Variants in UBE2D2 observed in about 807,000 individuals in gnomAD.
The protein encoded by UBE2D2 is ubiquitin conjugating enzyme E2 D2.
Under a neutral mutation model 24.2 loss-of-function variants are expected in UBE2D2, and 2 were observed. The ratio of observed to expected loss-of-function variants is 0.08; its 90% CI spans 0.03 to 0.26. The LOEUF is 0.26. UBE2D2 is among the 10% of genes least tolerant of loss of function. The pLI, the probability that UBE2D2 is intolerant of heterozygous loss-of-function variation, is 1.00. For synonymous variants in UBE2D2, 58 were observed against 56.5 expected, an observed-to-expected ratio of 1.03 and a Z score of -0.12; for missense variants, 44 against 177.6, an observed-to-expected ratio of 0.25 and a Z score of 4.28.
chr5:139,556,898 A>T (rs1198164539), upstream of UBE2D2, among the ~76,000 whole-genome samples: 1 of 151,348 alleles, frequency 6.6e-6, no homozygotes, highest in Non-Finnish European at 1.5e-5. Flanking sequence ...GCAGTGGCGC[A>T]ATCTCGTCTC....
chr5:139,573,067 C>T (rs1250765684), intron 1 of UBE2D2, among the ~76,000 whole-genome samples: 3 of 151,784 alleles, frequency 2.0e-5, no homozygotes, highest in Non-Finnish European at 2.9e-5. Context: ...TTTGGGAGGC[C>T]GAGACGGGCA....
chr5:139,560,441 C>T (rs754723261), upstream of UBE2D2, among the ~76,000 whole-genome samples: 4 of 152,126 alleles, frequency 2.6e-5, no homozygotes, highest in Non-Finnish European at 5.9e-5. Flanking sequence ...CGTGATCCGC[C>T]TGCCTTGGCC....
At chr5:139,566,159 C>T (rs999626608) in intron 1 of UBE2D2, among the ~76,000 whole-genome samples, 1 of 151,774 alleles carries the variant, frequency 6.6e-6, no homozygotes, top group African/African-American at 2.4e-5. Context: ...GCTGGGATTA[C>T]AGGCACTCAC....
intron 1 of UBE2D2, among the ~76,000 whole-genome samples, chr5:139,552,369 T>C (rs1752930440): frequency 6.6e-6 from 1 of 152,108 alleles, no homozygotes; most frequent in Non-Finnish European, 1.5e-5. Context: ...GGTTTTGCCA[T>C]GTTGGCCAGG....
chr5:139,622,105 C>CAGTCA (rs1270653947), intron 5 of UBE2D2, among the ~76,000 whole-genome samples: 1 of 152,210 alleles, frequency 6.6e-6, no homozygotes, highest in African/African-American at 2.4e-5. Flanking sequence ...GGCATAAAGA[C>CAGTCA]AGTCATATCA....
At chr5:139,595,891 T>TG (rs1561514907) in intron 1 of UBE2D2, among the ~76,000 whole-genome samples, 2 of 131,660 alleles carry the variant, frequency 1.5e-5, no homozygotes, top group African/African-American at 3.3e-5. Context: ...TGTTTTTTGT[T>TG]GTTTTTTTTT....
chr5:139,573,301 CAA>C (rs1051847278), intron 1 of UBE2D2, among the ~76,000 whole-genome samples: 1 of 95,006 alleles, frequency 1.1e-5, no homozygotes. Flanking sequence ...AACTCCATCT[CAA>C]AAAAAAAAAG....
intron 1 of UBE2D2, among the ~76,000 whole-genome samples, chr5:139,546,825 C>T (rs768401731): frequency 0.022 from 285 of 13,146 alleles, 2 homozygotes; most frequent in Middle Eastern, 0.11. Flanking sequence ...TTTCTTCCTT[C>T]CTTCCTTCCT....
chr5:139,577,794 T>G (rs1330730090), intron 1 of UBE2D2, among the ~76,000 whole-genome samples: 1 of 152,176 alleles, frequency 6.6e-6, no homozygotes, highest in African/African-American at 2.4e-5. Context: ...AAGTTAATGA[T>G]ACTAGCATTC....
At chr5:139,566,345 C>T (rs1753217145) in intron 1 of UBE2D2, among the ~76,000 whole-genome samples, 1 of 151,680 alleles carries the variant, frequency 6.6e-6, no homozygotes, top group Non-Finnish European at 1.5e-5. Flanking sequence ...TAAGGCGTCT[C>T]AAGACAAAGT....
At chr5:139,527,822 G>A (rs1034227008) in intron 1 of UBE2D2, among the ~76,000 whole-genome samples, 2 of 152,236 alleles carry the variant, frequency 1.3e-5, no homozygotes, top group Non-Finnish European at 2.9e-5. Flanking sequence ...GTACTATTAA[G>A]ACAGATGCAA....
intron 6 of UBE2D2, 76 bp from the exon 7 acceptor site, chr5:139,626,680 G>T (rs1381803118): frequency 8.0e-7 from 1 of 1,242,536 alleles, no homozygotes; most frequent in African/African-American, 1.5e-5. Flanking sequence ...CAAGTTACTT[G>T]ATGGGATAAT....
chr5:139,547,239 T>C (rs1038328149), intron 1 of UBE2D2, among the ~76,000 whole-genome samples: 1 of 151,718 alleles, frequency 6.6e-6, no homozygotes, highest in Non-Finnish European at 1.5e-5. Flanking sequence ...TGCAGTGAGC[T>C]GAGATCGCAC....
intron 1 of UBE2D2, among the ~76,000 whole-genome samples, chr5:139,572,647 CTT>C (rs35460912): frequency 2.2e-4 from 31 of 137,842 alleles, no homozygotes; most frequent in South Asian, 2.4e-4. Context: ...AATTATTATT[CTT>C]TTTTTTTTTT....
intron 1 of UBE2D2, among the ~76,000 whole-genome samples, chr5:139,549,410 C>A (rs572463460): frequency 6.6e-6 from 1 of 152,196 alleles, no homozygotes; most frequent in Non-Finnish European, 1.5e-5. Context: ...GTTCCGGGTG[C>A]GCGGGGTCTT....
chr5:139,587,736 T>C (rs538734913), intron 1 of UBE2D2, among the ~76,000 whole-genome samples: 4 of 116,574 alleles, frequency 3.4e-5, no homozygotes, highest in African/African-American at 1.3e-4. Context: ...TAGAGTGAAA[T>C]AGAGTGAAAA....
chr5:139,558,579 C>T (rs1480969553), upstream of UBE2D2, among the ~76,000 whole-genome samples: 5 of 152,104 alleles, frequency 3.3e-5, no homozygotes, highest in African/African-American at 4.8e-5. Context: ...TGAGCCACCG[C>T]GCCCAGCCAA....
intron 1 of UBE2D2, among the ~76,000 whole-genome samples, chr5:139,586,183 G>A (rs1404646577): frequency 2.0e-5 from 3 of 151,408 alleles, no homozygotes; most frequent in Non-Finnish European, 4.4e-5. Flanking sequence ...CTGGGGTCTA[G>A]CTTAGAATTT....
chr5:139,568,701 G>A (rs1037239736), intron 1 of UBE2D2, among the ~76,000 whole-genome samples: 2 of 151,528 alleles, frequency 1.3e-5, no homozygotes, highest in African/African-American at 2.4e-5. Context: ...GGCCGGGCGC[G>A]GTGACTCACG....
Sources: gnomAD v4.1 joint callset for allele counts (sites outside exome capture counted in the v4.1 genomes callset) on GRCh38, gnomAD v4.1.1 for gene constraint, MANE v1.5 for transcripts, NCBI Gene and HGNC (gene_info 2026-07-23, HGNC 2026-07-21) for gene names.